The following AIG1 variants were observed in gnomAD, a reference collection of about 807,000 sequenced individuals.
AIG1 encodes the protein androgen induced 1, also known as androgen-induced gene 1 protein.
In AIG1, 23 loss-of-function variants were observed where a neutral mutation model predicts 31.4. The observed-to-expected ratio is 0.73, with a 90% CI of 0.53 to 1.04. The LOEUF (loss-of-function observed/expected upper bound fraction) is 1.04. AIG1 is among the 50% of genes least tolerant of loss of function. The pLI, the probability that AIG1 is intolerant of heterozygous loss-of-function variation, is 0.00. For synonymous variants in AIG1, 100 were observed against 110.5 expected (o/e 0.90, Z 0.60); for missense variants, 274 against 295.0 (o/e 0.93, Z 0.52).
At chr6:143,092,057 C>T (rs1047425724) in intron 1 of AIG1, among the ~76,000 whole-genome samples, 1 of 152,074 alleles carries the variant, frequency 6.6e-6, no homozygotes, top group Non-Finnish European at 1.5e-5. Context: ...TTGCCCAGAT[C>T]CATCAGAGGA....
chr6:143,342,921 GTA>G (rs1430363536), downstream of AIG1: 3 of 904,948 alleles, frequency 3.3e-6, no homozygotes, highest in East Asian at 2.4e-5. Flanking sequence ...CAGCAAATAT[GTA>G]TGTTTTGTGG....
intron 1 of AIG1, among the ~76,000 whole-genome samples, chr6:143,121,482 T>C (rs530040916): frequency 8.1e-4 from 123 of 152,366 alleles, no homozygotes; most frequent in Non-Finnish European, 1.6e-3. Flanking sequence ...TCCTTTCCCT[T>C]ACTTCCCTTC....
Position 143,299,938 on chromosome 6 carries a change from C to G in AIG1, c.515+15713C>G, listed in dbSNP as rs1261821910. On this transcript the variant is annotated intron_variant, in intron 4 of 5. Transcript: ENST00000357847. The surrounding 1 kb of genome is among the most constrained non-coding windows in gnomAD (Gnocchi z 4.1). ...TCAGGTGCCCCTTTCAAGTGGCACC[C>G]TCCATTCACCCCATCATAGCATTTC... Among the ~76,000 whole-genome samples the G allele has an allele frequency of 6.6e-6, 1 of 152,178 alleles. No individual in the cohort carries two copies. Among genetic ancestry groups the G allele is most frequent in the Admixed American group, 6.5e-5 (1 of 15,280 alleles).
intron 3 of AIG1, among the ~76,000 whole-genome samples, chr6:143,176,950 C>T (rs1475722382): frequency 6.6e-6 from 1 of 152,232 alleles, no homozygotes; most frequent in African/African-American, 2.4e-5. Flanking sequence ...CCACACATGG[C>T]TTTGTCTGAG....
chr6:143,105,585 C>T (rs779185037), intron 1 of AIG1, among the ~76,000 whole-genome samples: 3 of 152,178 alleles, frequency 2.0e-5, no homozygotes, highest in Non-Finnish European at 4.4e-5. Context: ...AAAAATGTGT[C>T]CACAAGCACA....
At chr6:143,177,982 G>A (rs1788332679) in intron 3 of AIG1, among the ~76,000 whole-genome samples, 1 of 152,186 alleles carries the variant, frequency 6.6e-6, no homozygotes, top group African/African-American at 2.4e-5. Flanking sequence ...ATCAGTGGTG[G>A]GCCTGGTCAG....
chr6:143,260,017 C>CTT (rs35620148), intron 3 of AIG1, among the ~76,000 whole-genome samples: 5,204 of 85,094 alleles, frequency 0.061, 372 homozygotes, highest in African/African-American at 0.16. Context: ...TCTTGTGCTT[C>CTT]TTTTTTTTTT....
chr6:143,108,480 C>G (rs920252553), intron 1 of AIG1, among the ~76,000 whole-genome samples: 30 of 152,168 alleles, frequency 2.0e-4, no homozygotes, highest in African/African-American at 7.2e-4. Context: ...GATCTAACCT[C>G]TGTTTCTAGG....
intron 3 of AIG1, among the ~76,000 whole-genome samples, chr6:143,165,390 C>A (rs375819862): frequency 6.6e-6 from 1 of 152,060 alleles, no homozygotes; most frequent in Admixed American, 6.6e-5. Context: ...ATTATTCAAA[C>A]GATGTAGTAG....
chr6:143,153,610 G>A (rs997184956), intron 2 of AIG1, among the ~76,000 whole-genome samples: 4 of 152,134 alleles, frequency 2.6e-5, no homozygotes, highest in South Asian at 2.1e-4. Context: ...GCCTCCCAAA[G>A]TGCTGGGATT....
chr6:143,115,997 A>G (rs1781700421), intron 1 of AIG1, among the ~76,000 whole-genome samples: 1 of 152,216 alleles, frequency 6.6e-6, no homozygotes, highest in Non-Finnish European at 1.5e-5. Flanking sequence ...TGTGTCAGAC[A>G]CTGAATCAAG....
chr6:143,079,902 C>G (rs1778066337), intron 1 of AIG1, among the ~76,000 whole-genome samples: 1 of 151,724 alleles, frequency 6.6e-6, no homozygotes, highest in Non-Finnish European at 1.5e-5. Flanking sequence ...TGTTTATATC[C>G]CGATCATTAT....
Position 143,063,657 on chromosome 6 carries a change from C to A in AIG1, c.141+2591C>A, listed in dbSNP as rs140613616. 2.6e-5 allele frequency among the ~76,000 whole-genome samples: 4 copies of A among 152,288 alleles called. No homozygotes were observed. In the East Asian group the frequency reaches 7.7e-4, roughly 29 times the overall value. On this transcript the variant is annotated intron_variant, in intron 1 of 5. Coordinates refer to ENST00000357847, the MANE Select transcript of AIG1 (RefSeq NM_016108.4). ...AGTGCCTTGTACAATATTAATGAGT[C>A]TAAGTTTATTGGAGTAATTTTGCAA...
chr6:143,122,752 C>T (rs925349546), intron 1 of AIG1, among the ~76,000 whole-genome samples: 1 of 152,144 alleles, frequency 6.6e-6, no homozygotes, highest in East Asian at 1.9e-4. Context: ...ACCATGGCCA[C>T]CCCTGGATTT....
intron 3 of AIG1, among the ~76,000 whole-genome samples, chr6:143,200,699 C>T (rs987071112): frequency 3.3e-5 from 5 of 152,170 alleles, no homozygotes; most frequent in Admixed American, 6.5e-5. Flanking sequence ...GCAAGTCCCA[C>T]TTTCTTGGAA....
Position 143,318,102 on chromosome 6 carries a change from C to T in AIG1, c.516-15180C>T, listed in dbSNP as rs777666789. ...GCAATCTATAAATTCAAGGCAATTT[C>T]CATCAAAATACCACCATCATTATTC... On this transcript the variant is annotated intron_variant, in intron 4 of 5. Transcript: ENST00000357847. Among the ~76,000 whole-genome samples the T allele has an allele frequency of 3.3e-5, 5 of 152,110 alleles. No homozygotes were observed. In the South Asian group the frequency reaches 1.0e-3, roughly 32 times the overall value.
chr6:143,192,995 G>A, intron 3 of AIG1, among the ~76,000 whole-genome samples: 1 of 152,160 alleles, frequency 6.6e-6, no homozygotes, highest in East Asian at 1.9e-4. Context: ...CATTCCACAG[G>A]TGAGGAGCTG....
intron 1 of AIG1, among the ~76,000 whole-genome samples, chr6:143,084,153 G>A (rs1490688728): frequency 6.6e-6 from 1 of 152,238 alleles, no homozygotes; most frequent in South Asian, 2.1e-4. Flanking sequence ...CAATGGTCAA[G>A]CATACCCGAG....
At chr6:143,230,583 A>G (rs987399423) in intron 3 of AIG1, among the ~76,000 whole-genome samples, 2 of 149,950 alleles carry the variant, frequency 1.3e-5, no homozygotes, top group Admixed American at 1.3e-4. Context: ...TTAGTATAAT[A>G]TTAACTGTTA....
Sources: gnomAD v4.1 joint callset for allele counts (sites outside exome capture counted in the v4.1 genomes callset) on GRCh38, gnomAD v4.1.1 for gene constraint, Gnocchi (gnomAD v3.1) non-coding constraint, MANE v1.5 for transcripts, NCBI Gene and HGNC (gene_info 2026-07-23, HGNC 2026-07-21) for gene names.